The following GON4L variants were observed in gnomAD, a reference collection of about 807,000 sequenced individuals.
The protein encoded by GON4L is gon-4 like, also known as GON-4-like protein.
In GON4L, 87 loss-of-function variants were observed where a neutral mutation model predicts 211.8. The observed-to-expected ratio is 0.41, with a 90% CI of 0.35 to 0.49. GON4L has a LOEUF of 0.49. Ranked by LOEUF, GON4L falls within the 20% of genes least tolerant of loss-of-function variation. The pLI is 0.15. For synonymous variants in GON4L, 875 were observed against 962.6 expected (o/e 0.91, Z 1.68); for missense variants, 2,155 against 2,659.5 (o/e 0.81, Z 4.17).
downstream of GON4L, chr1:155,747,877 C>T: frequency 6.3e-7 from 1 of 1,582,268 alleles, no homozygotes; most frequent in Non-Finnish European, 8.6e-7. Context: ...GGCCTGCTAC[C>T]TGGTCCCTAC....
At chr1:155,745,673 G>C (rs571581520), downstream of GON4L, among the ~76,000 whole-genome samples, 494 of 152,312 alleles carry the variant, frequency 3.2e-3, 2 homozygotes, top group African/African-American at 0.011. Flanking sequence ...GGAAGAGGTA[G>C]GAAAGGATCG....
chr1:155,815,731 C>A, intron 8 of GON4L, 74 bp downstream of exon 8: 1 of 862,078 alleles, frequency 1.2e-6, no homozygotes, highest in Non-Finnish European at 2.0e-6. Flanking sequence ...ATCCTCTCTA[C>A]AAGTGACATT....
At chr1:155,778,261 A>G (rs992603894) in intron 14 of GON4L, among the ~76,000 whole-genome samples, 1 of 151,794 alleles carries the variant, frequency 6.6e-6, no homozygotes, top group Non-Finnish European at 1.5e-5. Context: ...CAAAATTTAA[A>G]TATTTTTTGA....
chr1:155,777,578 C>T (rs1035003454), intron 15 of GON4L, 44 bp downstream of exon 15: 2 of 1,172,918 alleles, frequency 1.7e-6, no homozygotes, highest in African/African-American at 3.2e-5. Context: ...GACTCTGTCT[C>T]AAAAAAAAAA....
intron 10 of GON4L, among the ~76,000 whole-genome samples, chr1:155,806,700 C>G (rs935630362): frequency 2.0e-5 from 3 of 152,000 alleles, no homozygotes; most frequent in Non-Finnish European, 2.9e-5. Context: ...TGCCTGGCCC[C>G]GAATTCCTTT....
At chr1:155,849,543 C>CAA (rs916595257) in intron 2 of GON4L, among the ~76,000 whole-genome samples, 99 of 46,970 alleles carry the variant, frequency 2.1e-3, no homozygotes, top group Non-Finnish European at 3.3e-3. Context: ...GACTCTGTCT[C>CAA]AAAAAAAAAA....
At chr1:155,824,006 C>T (rs1468984825) in intron 3 of GON4L, among the ~76,000 whole-genome samples, 1 of 152,150 alleles carries the variant, frequency 6.6e-6, no homozygotes, top group Non-Finnish European at 1.5e-5. Flanking sequence ...GATGCCCAAA[C>T]TTATAAGCTA....
intron 18 of GON4L, among the ~76,000 whole-genome samples, chr1:155,772,102 G>A (rs980757362): frequency 2.0e-5 from 3 of 151,790 alleles, no homozygotes; most frequent in Non-Finnish European, 2.9e-5. Flanking sequence ...GCAGTGAGCC[G>A]AGATCGCACC....
chr1:155,820,481 T>C lies in GON4L; in HGVS notation c.1014+125A>G, dbSNP rs2102245263. ...CATGTAGAAACAATTCTACTGTCTT[T>C]TATAAATATTTCTTTAAAGAGGCAA... On this transcript the variant is annotated intron_variant, in intron 6 of 31. Coordinates refer to ENST00000368331, the MANE Select transcript of GON4L (RefSeq NM_001282860.2). 4.3e-6 allele frequency: 3 copies of C among 702,488 alleles called. No individual in the cohort carries two copies. In the South Asian group the frequency reaches 4.4e-5, roughly 10 times the overall value. 43.5% of individuals were successfully genotyped at this position (702,488 alleles called of 1,614,324 possible). A position where few individuals can be genotyped will look rare whatever the true frequency, so the allele number is the denominator to read the frequency against.
intron 16 of GON4L, among the ~76,000 whole-genome samples, chr1:155,775,872 C>T (rs1571701368): frequency 6.6e-6 from 1 of 152,172 alleles, no homozygotes; most frequent in Non-Finnish European, 1.5e-5. Flanking sequence ...GTAACCCTCA[C>T]CTCCTAGGCT....
chr1:155,803,489 CGCCTCG>C (rs1466951060), intron 11 of GON4L, among the ~76,000 whole-genome samples: 2 of 151,980 alleles, frequency 1.3e-5, no homozygotes, highest in African/African-American at 4.8e-5. Context: ...GTGATCCGCC[CGCCTCG>C]GCCTCCCAAA....
intron 12 of GON4L, among the ~76,000 whole-genome samples, chr1:155,788,383 T>C (rs1434389593): frequency 6.6e-6 from 1 of 152,170 alleles, no homozygotes; most frequent in East Asian, 1.9e-4. Flanking sequence ...CTTTGGAAAA[T>C]GGTCTGGCAA....
At chr1:155,789,250 C>A (rs1665272312) in intron 12 of GON4L, among the ~76,000 whole-genome samples, 1 of 152,032 alleles carries the variant, frequency 6.6e-6, no homozygotes, top group Non-Finnish European at 1.5e-5. Flanking sequence ...AAATGGTACA[C>A]TTGAGATGTG....
intron 2 of GON4L, among the ~76,000 whole-genome samples, chr1:155,835,192 A>T (rs1442291083): frequency 6.6e-6 from 1 of 152,122 alleles, no homozygotes; most frequent in African/African-American, 2.4e-5. Context: ...TCTCTGAAAC[A>T]TGTGCTGTGT....
downstream of GON4L, chr1:155,748,503 C>T: frequency 1.9e-6 from 3 of 1,613,778 alleles, no homozygotes; most frequent in Non-Finnish European, 2.5e-6. Flanking sequence ...GTTCATCTGG[C>T]TGACATGCTG....
chr1:155,800,951 C>A (rs1232238573), intron 11 of GON4L, among the ~76,000 whole-genome samples: 2 of 147,496 alleles, frequency 1.4e-5, no homozygotes, highest in Non-Finnish European at 3.0e-5. Context: ...AGGAGTATAA[C>A]AAATTGATTC....
At chr1:155,793,185 A>G (rs978718187) in intron 12 of GON4L, among the ~76,000 whole-genome samples, 1 of 152,186 alleles carries the variant, frequency 6.6e-6, no homozygotes, top group African/African-American at 2.4e-5. Context: ...TTTTCATTCT[A>G]CATTTTCTCT....
chr1:155,797,982 G>T, intron 11 of GON4L, among the ~76,000 whole-genome samples: 1 of 151,686 alleles, frequency 6.6e-6, no homozygotes. Context: ...TCAGAAGGCT[G>T]AGCTGGAAGG....
intron 2 of GON4L, among the ~76,000 whole-genome samples, chr1:155,848,141 C>T (rs543709515): frequency 6.6e-6 from 1 of 152,296 alleles, no homozygotes; most frequent in East Asian, 1.9e-4. Context: ...GCAGCCATTT[C>T]CTGTACTCTG....
Sources: allele counts gnomAD v4.1 joint callset (sites outside exome capture counted in the v4.1 genomes callset), GRCh38; gene constraint gnomAD v4.1.1; transcripts MANE v1.5; gene names NCBI Gene and HGNC (gene_info 2026-07-23, HGNC 2026-07-21).